NFIX: variants seen among roughly 807,000 people sequenced by gnomAD.
NFIX encodes the protein nuclear factor I X.
Under a neutral mutation model 53.3 loss-of-function variants are expected in NFIX, and 2 were observed. That is an observed-to-expected ratio of 0.04 (90% CI 0.02 to 0.12). The LOEUF is 0.12. Ranked by LOEUF, NFIX falls within the 10% of genes least tolerant of loss-of-function variation. NFIX has a pLI of 1.00. For synonymous variants in NFIX, 244 were observed against 289.0 expected (o/e 0.84, Z 1.58); for missense variants, 310 against 674.5 (o/e 0.46, Z 5.99).
rs2018291612 is a variant in NFIX, at chr19:13,093,972, G to T, written c.1495-663G>T. Among the ~76,000 whole-genome samples, 1 of 152,110 alleles carries T rather than the reference G, an allele frequency of 6.6e-6. No individual in the cohort carries two copies. The highest frequency in any genetic ancestry group is 1.5e-5 in the Non-Finnish European group (1 of 68,010). On this transcript the variant is annotated intron_variant, in intron 10 of 10. Coordinates refer to ENST00000592199, the MANE Select transcript of NFIX (RefSeq NM_001365902.3). The surrounding 1 kb of genome is among the most constrained non-coding windows in gnomAD (Gnocchi z 4.7). ...TGGGAAGGCAGCGCCCCCTGCTGGC[G>T]ATATGAAGGAAATGACGCTCACCCC...
intron 2 of NFIX, among the ~76,000 whole-genome samples, chr19:13,054,580 C>A (rs2015531477): frequency 6.6e-6 from 1 of 152,072 alleles, no homozygotes; most frequent in South Asian, 2.1e-4. Context: ...GCCAGTACCC[C>A]AGGGAGTCCT....
At position 13,066,557 on chromosome 19, in the gene NFIX, GA is replaced by G. The variant is rs1461179751; in HGVS notation, c.560-6487del. On this transcript the variant is annotated intron_variant, in intron 2 of 10. Transcript: ENST00000592199. This position sits in a 1 kb window ranked among gnomAD's most constrained non-coding sequence, Gnocchi z 4.2. ...GATCTGTGAGCAGGGAGGGAATGAG[GA>G]AAGGGGAGAGGACGATAATGGGGTG... 6.6e-6 allele frequency among the ~76,000 whole-genome samples: 1 copy of G among 152,184 alleles called. No individual in the cohort carries two copies. Among genetic ancestry groups the G allele is most frequent in the Non-Finnish European group, 1.5e-5 (1 of 68,034 alleles).
Position 13,088,226 on chromosome 19 carries a change from C to T in NFIX, c.1402+90C>T, listed in dbSNP as rs981749653. On this transcript the variant is annotated intron_variant, in intron 9 of 10. Coordinates refer to ENST00000592199, the MANE Select transcript of NFIX (RefSeq NM_001365902.3). This position sits in a 1 kb window ranked among gnomAD's most constrained non-coding sequence, Gnocchi z 5.9. The stretch of plus-strand genomic sequence containing the variant: ...CTGCAAAAAGAAAAGCCTTCCCCCT[C>T]CCCACCACCAAAGCCCCCCAACCCA... 1.4e-6 allele frequency: 2 copies of T among 1,441,828 alleles called. No individual in the cohort carries two copies. The highest frequency in any genetic ancestry group is 2.2e-5 in the Admixed American group (1 of 46,500). The allele number at this position is 1,441,828 out of a possible 1,614,324, so 89.3% of individuals were successfully genotyped here.
At chr19:13,018,031 C>T (rs1312849023) in intron 1 of NFIX, among the ~76,000 whole-genome samples, 1 of 152,194 alleles carries the variant, frequency 6.6e-6, no homozygotes. Flanking sequence ...CTTTGGCCTT[C>T]CTGGCTTTTA....
In NFIX at chr19:13,040,230, G is replaced by T. The variant is rs528117984; in HGVS notation, c.559+14678G>T. Among the ~76,000 whole-genome samples, 3 of 152,296 alleles carry T rather than the reference G, an allele frequency of 2.0e-5. No individual in the cohort carries two copies. In the South Asian group the frequency reaches 6.2e-4, roughly 32 times the overall value. On this transcript the variant is annotated intron_variant, in intron 2 of 10. Transcript: ENST00000592199. This position sits in a 1 kb window ranked among gnomAD's most constrained non-coding sequence, Gnocchi z 4.2. ...TACCTTGTTACAGGGGCTACTGCTT[G>T]GTGGGCTCAGCCCACCCCACCCTCT...
In NFIX at chr19:13,068,104, CAAAAAA is replaced by C. The variant is rs368967500; in HGVS notation, c.560-4938_560-4933del. 2.8e-5 allele frequency among the ~76,000 whole-genome samples: 4 copies of C among 144,158 alleles called. No homozygotes were observed. The highest frequency in any genetic ancestry group is 6.9e-5 in the Admixed American group (1 of 14,410). The allele number at this position is 144,158 out of a possible 152,430, so 94.6% of individuals were successfully genotyped here. ...TGGGTGACAGAGCAAGACTCCATCT[CAAAAAA>C]AAAACAAAAACAAAAACAAAAAACA... On this transcript the variant is annotated intron_variant, in intron 2 of 10. Coordinates refer to ENST00000592199, the MANE Select transcript of NFIX (RefSeq NM_001365902.3). This position sits in a 1 kb window ranked among gnomAD's most constrained non-coding sequence, Gnocchi z 4.2.
At chr19:13,019,780 CT>C (rs554779370) in intron 1 of NFIX, among the ~76,000 whole-genome samples, 39 of 146,174 alleles carry the variant, frequency 2.7e-4, no homozygotes, top group African/African-American at 8.7e-4. Flanking sequence ...AAGACAGAGG[CT>C]TTTCTTCCAT....
At chr19:13,017,748 T>C (rs1462397733) in intron 1 of NFIX, among the ~76,000 whole-genome samples, 3 of 152,260 alleles carry the variant, frequency 2.0e-5, no homozygotes, top group African/African-American at 7.2e-5. Context: ...TTTCACAGTG[T>C]GCTGGGCACA....
Position 13,021,269 on chromosome 19 carries a change from A to G in NFIX, c.28-3752A>G, listed in dbSNP as rs1177119399. Among the ~76,000 whole-genome samples the G allele has an allele frequency of 6.6e-6, 1 of 152,050 alleles. No individual in the cohort carries two copies. The highest frequency in any genetic ancestry group is 1.5e-5 in the Non-Finnish European group (1 of 68,006). ...CCCTAAGAGGCCTGTCTCTGATACC[A>G]CCTGCCTTCTGTACTCTCACCTCTA... is the stretch of plus-strand genomic sequence containing the variant. On this transcript the variant is annotated intron_variant, in intron 1 of 10. Transcript: ENST00000592199. The surrounding 1 kb of genome is among the most constrained non-coding windows in gnomAD (Gnocchi z 4.2).
intron 8 of NFIX, among the ~76,000 whole-genome samples, chr19:13,086,780 G>A (rs939822335): frequency 1.3e-5 from 2 of 152,224 alleles, no homozygotes; most frequent in African/African-American, 4.8e-5. Context: ...TGAGGGTCCT[G>A]AGCTGATAAG....
rs755955553 is a variant in NFIX, at chr19:13,040,680, C to T, written c.559+15128C>T. 2.6e-5 allele frequency among the ~76,000 whole-genome samples: 4 copies of T among 152,144 alleles called. No individual in the cohort carries two copies. Among genetic ancestry groups the T allele is most frequent in the Non-Finnish European group, 5.9e-5 (4 of 68,028 alleles). ...TGCCGTCCTCCAGCTGGTACATGTG[C>T]TTGCGGCTCTGGTAGCTGGGTTTGG... On this transcript the variant is annotated intron_variant, in intron 2 of 10. Coordinates refer to ENST00000592199, the MANE Select transcript of NFIX (RefSeq NM_001365902.3). This position sits in a 1 kb window ranked among gnomAD's most constrained non-coding sequence, Gnocchi z 4.2.
In NFIX at chr19:13,066,052, G is replaced by A. The variant is rs755619280; in HGVS notation, c.560-6995G>A. On this transcript the variant is annotated intron_variant, in intron 2 of 10. Transcript: ENST00000592199. This position sits in a 1 kb window ranked among gnomAD's most constrained non-coding sequence, Gnocchi z 4.2. The stretch of plus-strand genomic sequence containing the variant: ...AGGCAACCAAGGACTGTAGGAGACA[G>A]GCCTTCTTCACCTCGACACCGTGTG... Among the ~76,000 whole-genome samples the A allele has an allele frequency of 1.3e-5, 2 of 152,190 alleles. No individual in the cohort carries two copies. The highest frequency in any genetic ancestry group is 2.9e-5 in the Non-Finnish European group (2 of 68,020).
chr19:13,067,438 A>C lies in NFIX; in HGVS notation c.560-5609A>C, dbSNP rs2016476735. On this transcript the variant is annotated intron_variant, in intron 2 of 10. Coordinates refer to ENST00000592199, the MANE Select transcript of NFIX (RefSeq NM_001365902.3). The surrounding 1 kb of genome is among the most constrained non-coding windows in gnomAD (Gnocchi z 4.2). ...CCTTTCTGGACGGCAAGAAGTGGTT[A>C]GTGGCACCTCCGTGTGTGTGCGCGC... Among the ~76,000 whole-genome samples the C allele has an allele frequency of 6.6e-6, 1 of 151,314 alleles. No individual in the cohort carries two copies. Among genetic ancestry groups the C allele is most frequent in the Non-Finnish European group, 1.5e-5 (1 of 67,926 alleles).
At position 13,098,665 on chromosome 19, in the gene NFIX, C is replaced by A; in HGVS notation, c.*4016C>A. On this transcript the variant is annotated 3_prime_UTR_variant, in exon 11 of 11. Transcript: ENST00000592199. The stretch of plus-strand genomic sequence containing the variant: ...AAGTAGGCAGCCAGCCCGTCTGTTC[C>A]CTCTCCGCCCCGCCCCGCCCCGCCC... The A allele has an allele frequency of 6.5e-6, 1 of 152,844 alleles. No homozygotes were observed. Among genetic ancestry groups the A allele is most frequent in the Admixed American group, 6.5e-5 (1 of 15,348 alleles). 9.5% of individuals were successfully genotyped at this position (152,844 alleles called of 1,614,324 possible). A position where few individuals can be genotyped will look rare whatever the true frequency, so the allele number is the denominator to read the frequency against.
chr19:13,095,429 A>G lies in NFIX; in HGVS notation c.*780A>G, dbSNP rs2018384923. The G allele has an allele frequency of 6.6e-6, 1 of 152,222 alleles. No individual in the cohort carries two copies. The highest frequency in any genetic ancestry group is 1.5e-5 in the Non-Finnish European group (1 of 68,060). 9.4% of individuals were successfully genotyped at this position (152,222 alleles called of 1,614,324 possible). On this transcript the variant is annotated 3_prime_UTR_variant, in exon 11 of 11. Transcript: ENST00000592199. ...GACCCCTCTGTACAGTCCGTAGGAA[A>G]AAGTCGGAATGCTCTCGACGGCCTC...
rs367695736 is a variant in NFIX, at chr19:13,001,822, G to A, written c.27+5958G>A. Among the ~76,000 whole-genome samples the A allele has an allele frequency of 2.6e-5, 4 of 152,362 alleles. No homozygotes were observed. Among genetic ancestry groups the A allele is most frequent in the African/African-American group, 9.6e-5 (4 of 41,592 alleles). On this transcript the variant is annotated intron_variant, in intron 1 of 10. Coordinates refer to ENST00000592199, the MANE Select transcript of NFIX (RefSeq NM_001365902.3). The surrounding 1 kb of genome is among the most constrained non-coding windows in gnomAD (Gnocchi z 6.5). Reference sequence around the variant, plus strand: ...TGCCTGCTATGGCGGCCGGGCAAGCGGCTGGGAGCGGGCTGGCTGCTCAGT... The same window carrying A: ...TGCCTGCTATGGCGGCCGGGCAAGCAGCTGGGAGCGGGCTGGCTGCTCAGT...
At position 13,068,065 on chromosome 19, in the gene NFIX, A is replaced by G. The variant is rs2016535386; in HGVS notation, c.560-4982A>G. On this transcript the variant is annotated intron_variant, in intron 2 of 10. Coordinates refer to ENST00000592199, the MANE Select transcript of NFIX (RefSeq NM_001365902.3). The surrounding 1 kb of genome is among the most constrained non-coding windows in gnomAD (Gnocchi z 4.2). ...GCTTGCAGTGAGCCGAGATCGCACC[A>G]CTGCACTCCAGCCTGGGTGACAGAG... Among the ~76,000 whole-genome samples the G allele has an allele frequency of 6.6e-6, 1 of 151,890 alleles. No individual in the cohort carries two copies. The highest frequency in any genetic ancestry group is 6.6e-5 in the Admixed American group (1 of 15,252).
At chr19:13,038,011 G>A (rs1446590224) in intron 2 of NFIX, among the ~76,000 whole-genome samples, 1 of 152,158 alleles carries the variant, frequency 6.6e-6, no homozygotes, top group African/African-American at 2.4e-5. Context: ...TGGGCTGCTT[G>A]GCTGCCTTCC....
Position 12,995,668 on chromosome 19 carries a change from G to C in NFIX, c.-170G>C, listed in dbSNP as rs2011437313. The C allele has an allele frequency of 6.8e-6, 1 of 146,596 alleles. No individual in the cohort carries two copies. The highest frequency in any genetic ancestry group is 2.5e-5 in the African/African-American group (1 of 40,190). 9.1% of individuals were successfully genotyped at this position (146,596 alleles called of 1,614,324 possible). On this transcript the variant is annotated 5_prime_UTR_variant, in exon 1 of 11. Coordinates refer to ENST00000592199, the MANE Select transcript of NFIX (RefSeq NM_001365902.3). ...GGAGCCGGCGGGGCCGAGCTTGCGA[G>C]CGGCGAGCGCGGAGCGGCGCCGGGC... is the stretch of plus-strand genomic sequence containing the variant.
Sources: gnomAD v4.1 joint callset for allele counts (sites outside exome capture counted in the v4.1 genomes callset) on GRCh38, gnomAD v4.1.1 for gene constraint, Gnocchi (gnomAD v3.1) non-coding constraint, MANE v1.5 for transcripts, NCBI Gene and HGNC (gene_info 2026-07-23, HGNC 2026-07-21) for gene names.